The following DOCK3 variants were observed in gnomAD, a reference collection of about 807,000 sequenced individuals.
DOCK3 encodes the protein dedicator of cytokinesis protein 3.
In DOCK3, 60 loss-of-function variants were observed where a neutral mutation model predicts 265.6. That is an observed-to-expected ratio of 0.23 (90% CI 0.18 to 0.28). The LOEUF is 0.28. Ranked by LOEUF, DOCK3 falls within the 10% of genes least tolerant of loss-of-function variation. The pLI, the probability that DOCK3 is intolerant of heterozygous loss-of-function variation, is 1.00. For missense variants in DOCK3, 1,981 were observed against 2,594.3 expected (o/e 0.76, Z 5.14); for synonymous variants, 881 against 938.0 (o/e 0.94, Z 1.11).
At chr3:51,320,519 G>C (rs1170116204) in intron 32 of DOCK3, among the ~76,000 whole-genome samples, 1 of 152,138 alleles carries the variant, frequency 6.6e-6, no homozygotes, top group Non-Finnish European at 1.5e-5. Context: ...AGGGAGCCAA[G>C]GGGTCTGGCT....
intron 12 of DOCK3, among the ~76,000 whole-genome samples, chr3:51,180,854 C>A (rs113677383): frequency 6.6e-6 from 1 of 152,210 alleles, no homozygotes; most frequent in African/African-American, 2.4e-5. Flanking sequence ...AGATTGTGTG[C>A]TCTCTGCAAG....
chr3:51,244,728 G>T (rs2078749872), intron 21 of DOCK3, among the ~76,000 whole-genome samples: 1 of 152,178 alleles, frequency 6.6e-6, no homozygotes, highest in African/African-American at 2.4e-5. Context: ...GAATAAAAGT[G>T]TCAAAAGTGA....
chr3:51,330,032 A>G (rs1283010692), intron 32 of DOCK3, 106 bp from the exon 33 acceptor site: 2 of 1,089,650 alleles, frequency 1.8e-6, no homozygotes, highest in South Asian at 1.4e-5. Context: ...GAGCAAGGAC[A>G]GGATCAGGAA....
At chr3:50,962,503 T>A (rs1352412108) in intron 5 of DOCK3, among the ~76,000 whole-genome samples, 1 of 152,208 alleles carries the variant, frequency 6.6e-6, no homozygotes, top group Non-Finnish European at 1.5e-5. Context: ...TGGAACACAG[T>A]TATATTCCTA....
chr3:50,969,122 G>A (rs990638785), intron 5 of DOCK3, among the ~76,000 whole-genome samples: 7 of 152,104 alleles, frequency 4.6e-5, no homozygotes. Context: ...GTTTTCTTAG[G>A]TCAAGTAGTA....
chr3:51,074,759 G>A (rs2081994638), intron 6 of DOCK3, among the ~76,000 whole-genome samples: 1 of 152,014 alleles, frequency 6.6e-6, no homozygotes, highest in Non-Finnish European at 1.5e-5. Flanking sequence ...GTTGTGAGGT[G>A]CAGCAAACCA....
At chr3:51,275,798 A>G (rs369118418) in intron 25 of DOCK3, among the ~76,000 whole-genome samples, 1 of 152,180 alleles carries the variant, frequency 6.6e-6, no homozygotes, top group East Asian at 1.9e-4. Flanking sequence ...TTTAAAAGAA[A>G]TCAGTGGTAA....
At chr3:51,358,187 C>T (rs949473075) in intron 46 of DOCK3, 110 bp downstream of exon 46, 13 of 1,121,352 alleles carry the variant, frequency 1.2e-5, no homozygotes, top group South Asian at 7.2e-5. Flanking sequence ...GGGCAGGGGC[C>T]GGGGTTGGGG....
At chr3:50,703,824 T>C (rs1033388590) in intron 1 of DOCK3, among the ~76,000 whole-genome samples, 2 of 104,282 alleles carry the variant, frequency 1.9e-5, no homozygotes, top group Admixed American at 1.8e-4. Flanking sequence ...ATATTTATTG[T>C]TTTTTTCATC....
intron 35 of DOCK3, among the ~76,000 whole-genome samples, chr3:51,333,840 A>G (rs1385598486): frequency 6.6e-6 from 1 of 151,686 alleles, no homozygotes; most frequent in Non-Finnish European, 1.5e-5. Flanking sequence ...CTGGGAGTTC[A>G]TGTGGAATAA....
At chr3:50,922,148 G>A (rs374701533) in intron 4 of DOCK3, among the ~76,000 whole-genome samples, 103 of 152,300 alleles carry the variant, frequency 6.8e-4, no homozygotes, top group Admixed American at 2.3e-3. Flanking sequence ...TGCCTTTCCC[G>A]CAGAGGTGGA....
chr3:51,056,358 C>T (rs1031713650), intron 5 of DOCK3, among the ~76,000 whole-genome samples: 2 of 152,204 alleles, frequency 1.3e-5, no homozygotes, highest in Admixed American at 6.5e-5. Context: ...ACACCATTCT[C>T]CTGCCTCTGC....
Position 51,270,972 on chromosome 3 carries a change from C to T in DOCK3, c.2513C>T (p.Ala838Val), listed in dbSNP as rs2080462485. ...SMDVVKLQSI[A>V]RTVDSRLFSF... ...GACGTGGTCAAGCTGCAGTCCATTG[C>T]CAGGACAGTGGATAGCCGCCTGTTT... is the stretch of plus-strand genomic sequence containing the variant. Residue 838 changes from alanine (A) to valine (V), a missense_variant, in exon 24 of 53, where the codon GCC becomes GTC. By Grantham distance (64) the Ala-to-Val change is moderately conservative (BLOSUM62 0). Around this residue, in one of 4 missense-constraint regions of DOCK3, gnomAD observed 1,357 missense variants for 1,866.8 expected, o/e 0.73. Transcript: ENST00000266037. 2 of 1,613,496 alleles carry T rather than the reference C, an allele frequency of 1.2e-6. No homozygotes were observed.
intron 19 of DOCK3, among the ~76,000 whole-genome samples, chr3:51,230,929 G>C (rs1039753232): frequency 2.0e-5 from 2 of 97,714 alleles, no homozygotes; most frequent in African/African-American, 7.9e-5. Flanking sequence ...GGGTCTTTTT[G>C]GTAGAATGAT....
chr3:50,749,573 C>A (rs963687871), intron 1 of DOCK3, among the ~76,000 whole-genome samples: 7 of 152,038 alleles, frequency 4.6e-5, no homozygotes, highest in African/African-American at 1.7e-4. Flanking sequence ...TGTTTTTATA[C>A]CTATTTTTAA....
At chr3:51,230,577 C>T (rs1433546479) in intron 19 of DOCK3, among the ~76,000 whole-genome samples, 7 of 152,022 alleles carry the variant, frequency 4.6e-5, no homozygotes, top group South Asian at 2.1e-4. Flanking sequence ...AGTGCAGTGG[C>T]GCAATCTCGG....
intron 27 of DOCK3, among the ~76,000 whole-genome samples, chr3:51,305,466 C>T (rs1313554783): frequency 6.6e-6 from 1 of 152,052 alleles, no homozygotes; most frequent in Non-Finnish European, 1.5e-5. Context: ...AAAGTGTGTA[C>T]CTTGTAGATA....
Position 51,374,671 on chromosome 3 carries a change from A to G in DOCK3, c.5412+84A>G. ...TCCTTGCATTTGCGGGGCCTTCTGCATTGTCCTACATGGCTCTCTCATTCC... is the reference window on the plus strand; with the variant it reads ...TCCTTGCATTTGCGGGGCCTTCTGCGTTGTCCTACATGGCTCTCTCATTCC... On this transcript the variant is annotated intron_variant, in intron 50 of 52. Coordinates refer to ENST00000266037, the MANE Select transcript of DOCK3 (RefSeq NM_004947.5). The surrounding 1 kb of genome is among the most constrained non-coding windows in gnomAD (Gnocchi z 4.8). 1 of 1,259,332 alleles carries G rather than the reference A, an allele frequency of 7.9e-7. No individual in the cohort carries two copies. The highest frequency in any genetic ancestry group is 1.3e-5 in the South Asian group (1 of 76,756). The allele number at this position is 1,259,332 out of a possible 1,614,324, so 78.0% of individuals were successfully genotyped here.
chr3:51,221,961 C>G (rs1453926491), intron 14 of DOCK3, among the ~76,000 whole-genome samples: 1 of 152,184 alleles, frequency 6.6e-6, no homozygotes, highest in Non-Finnish European at 1.5e-5. Context: ...CCCAGCAGAC[C>G]TCCATATTCT....
Sources: allele counts gnomAD v4.1 joint callset (sites outside exome capture counted in the v4.1 genomes callset), GRCh38; gene constraint gnomAD v4.1.1; regional missense constraint gnomAD v4.1.1; non-coding constraint Gnocchi (gnomAD v3.1); transcripts MANE v1.5; gene names NCBI Gene and HGNC (gene_info 2026-07-23, HGNC 2026-07-21).